Variants in GABRR1 observed in about 807,000 individuals in gnomAD.
GABRR1 encodes gamma-aminobutyric acid receptor subunit rho-1.
In GABRR1, 59 loss-of-function variants were observed where a neutral mutation model predicts 55.5. That is an observed-to-expected ratio of 1.06 (90% CI 0.86 to 1.32). GABRR1 has a LOEUF of 1.32. GABRR1 is among the 40% of genes most tolerant of loss of function. The pLI, the probability that GABRR1 is intolerant of heterozygous loss-of-function variation, is 0.00. For synonymous variants in GABRR1, 213 were observed against 226.0 expected, an observed-to-expected ratio of 0.94 and a Z score of 0.51; for missense variants, 602 against 619.1, an observed-to-expected ratio of 0.97 and a Z score of 0.29.
intron 1 of GABRR1, among the ~76,000 whole-genome samples, chr6:89,210,021 C>A (rs191802907): frequency 5.3e-5 from 8 of 151,880 alleles, no homozygotes; most frequent in African/African-American, 1.9e-4. Context: ...TTTCTGATGG[C>A]GAGAGGAAAG....
intron 7 of GABRR1, among the ~76,000 whole-genome samples, chr6:89,183,146 G>GAAAAAAAAAAGAAAAAAAAAAAAAAAA (rs1771781105): frequency 7.8e-6 from 1 of 128,568 alleles, no homozygotes; most frequent in Non-Finnish European, 1.6e-5. Context: ...GAGGATGATG[G>GAAAAAAAAAAGAAAAAAAAAAAAAAAA]AAAAAAAAAA....
rs57085890 is a variant in GABRR1 at position 89,196,881 on chromosome 6, G to GAAAGAAAGAAAGAA, written c.572+1138_572+1139insTTCTTTCTTTCTTT. On this transcript the variant is annotated intron_variant, in intron 5 of 9. Coordinates refer to ENST00000454853, the MANE Select transcript of GABRR1 (RefSeq NM_002042.5). ...AAAGAAAGAAAGAAAGAAAGAAAGA[G>GAAAGAAAGAAAGAA]AAGAGAAGAAAAAAGAAAAGAAAAT... is the stretch of plus-strand genomic sequence containing the variant. Among the ~76,000 whole-genome samples the GAAAGAAAGAAAGAA allele has an allele frequency of 5.3e-3, 501 of 95,262 alleles. 10 individuals carry two copies. Among genetic ancestry groups the GAAAGAAAGAAAGAA allele is most frequent in the South Asian group, 5.4e-3 (15 of 2,784 alleles). 62.5% of individuals were successfully genotyped at this position (95,262 alleles called of 152,430 possible). A position where few individuals can be genotyped will look rare whatever the true frequency, so the allele number is the denominator to read the frequency against.
At chr6:89,229,047 G>A (rs976022226) in intron 1 of GABRR1, among the ~76,000 whole-genome samples, 4 of 151,790 alleles carry the variant, frequency 2.6e-5, no homozygotes, top group Admixed American at 2.0e-4. Flanking sequence ...GATCTTTGTT[G>A]GTTTAAAATC....
At chr6:89,197,925 G>T in intron 5 of GABRR1, 95 bp downstream of exon 5, 1 of 996,084 alleles carries the variant, frequency 1.0e-6, no homozygotes, top group Non-Finnish European at 1.6e-6. Context: ...CTACTGAAAA[G>T]TTAGAAAGTA....
intron 6 of GABRR1, 69 bp from the exon 7 acceptor site, chr6:89,185,519 G>A: frequency 2.8e-6 from 4 of 1,414,946 alleles, no homozygotes; most frequent in Non-Finnish European, 4.0e-6. Context: ...GGGCTATGTA[G>A]AAGCTGTGTC....
chr6:89,185,313 T>C lies in GABRR1; in HGVS notation c.793A>G (p.Thr265Ala). 2 of 1,613,992 alleles carry C rather than the reference T, an allele frequency of 1.2e-6. No individual in the cohort carries two copies. Among genetic ancestry groups the C allele is most frequent in the Non-Finnish European group, 1.7e-6 (2 of 1,179,872 alleles). Residue 265 changes from threonine (T) to alanine (A), a missense_variant, in exon 7 of 10, where the codon ACA becomes GCA. Thr to Ala is a moderately conservative substitution (Grantham distance 58). This residue lies in a region of GABRR1 where 435 missense variants were observed against 424.2 expected (regional missense o/e 1.03). Transcript: ENST00000454853. ...TTTKLAFYSS[T>A]GWYNRLYINF... ...TCAGCCCTCACTCTACACTTACCTGTGCTGCTGTAGAAAGCCAGTTTGGTG... is the reference window on the plus strand; with the variant it reads ...TCAGCCCTCACTCTACACTTACCTGCGCTGCTGTAGAAAGCCAGTTTGGTG...
Position 89,185,347 on chromosome 6 carries a change from G to A in GABRR1, c.759C>T (p.Phe253=). 3.1e-6 allele frequency: 5 copies of A among 1,613,948 alleles called. No homozygotes were observed. The highest frequency in any genetic ancestry group is 4.2e-6 in the Non-Finnish European group (5 of 1,179,866). The change falls in exon 7 of 10, where the codon TTC becomes TTT. Residue 253 remains phenylalanine, a synonymous_variant. Transcript: ENST00000454853. ...AGAAAGCCAGTTTGGTGGTGGTGTGGAATTCCTGAATGAGGAACTGGGAGA... is the reference window on the plus strand; with the variant it reads ...AGAAAGCCAGTTTGGTGGTGGTGTGAAATTCCTGAATGAGGAACTGGGAGA... The part of the protein sequence containing the change: ...ISLSQFLIQE[F]HTTTKLAFYS...
chr6:89,185,334 T>G lies in GABRR1; in HGVS notation c.772A>C (p.Lys258Gln). The change falls in exon 7 of 10, where the codon AAA (lysine) becomes CAA (glutamine). Residue 258 changes from lysine (K) to glutamine (Q), a missense_variant. Physicochemically the swap from Lys to Gln is moderately conservative, Grantham distance 53. Around this residue, in one of 3 missense-constraint regions of GABRR1, gnomAD observed 435 missense variants for 424.2 expected, o/e 1.03. Coordinates refer to ENST00000454853, the MANE Select transcript of GABRR1 (RefSeq NM_002042.5). ...CCTGTGCTGCTGTAGAAAGCCAGTT[T>G]GGTGGTGGTGTGGAATTCCTGAATG... ...FLIQEFHTTT[K>Q]LAFYSSTGWY... 1.2e-6 allele frequency: 2 copies of G among 1,613,920 alleles called. No homozygotes were observed. The highest frequency in any genetic ancestry group is 1.7e-6 in the Non-Finnish European group (2 of 1,179,830).
At chr6:89,194,335 C>A (rs142235942) in intron 5 of GABRR1, among the ~76,000 whole-genome samples, 6 of 152,122 alleles carry the variant, frequency 3.9e-5, no homozygotes, top group African/African-American at 1.4e-4. Flanking sequence ...GTTACTGGAG[C>A]GAGGCGAACC....
intron 8 of GABRR1, among the ~76,000 whole-genome samples, chr6:89,181,206 G>T (rs1409920275): frequency 3.9e-5 from 6 of 152,132 alleles, no homozygotes; most frequent in Admixed American, 3.3e-4. Flanking sequence ...ACATTTGTTT[G>T]GCAAACATCA....
chr6:89,180,735 T>C (rs1168666225), intron 8 of GABRR1, among the ~76,000 whole-genome samples: 1 of 152,240 alleles, frequency 6.6e-6, no homozygotes, highest in Admixed American at 6.5e-5. Context: ...TCGTAGCATC[T>C]GTGTCACTAT....
intron 1 of GABRR1, among the ~76,000 whole-genome samples, chr6:89,208,972 T>C (rs1010614234): frequency 1.3e-5 from 2 of 152,244 alleles, no homozygotes; most frequent in African/African-American, 4.8e-5. Flanking sequence ...GGGTATTTGA[T>C]CAAGCTGTCT....
chr6:89,224,567 A>G (rs1322783549), intron 1 of GABRR1, among the ~76,000 whole-genome samples: 1 of 152,154 alleles, frequency 6.6e-6, no homozygotes, highest in African/African-American at 2.4e-5. Flanking sequence ...GATTCTGGAT[A>G]TTAGTCCTTT....
At chr6:89,199,152 G>A (rs1772388059) in intron 4 of GABRR1, among the ~76,000 whole-genome samples, 1 of 152,208 alleles carries the variant, frequency 6.6e-6, no homozygotes, top group African/African-American at 2.4e-5. Context: ...GGCCACTGGA[G>A]TGAGAAAGGT....
rs1463464498 is a variant in GABRR1, at chr6:89,230,988, T to G, written c.-411+228A>C. ...TGGTGCGCCGTTTTTTAAGCCGGTC[T>G]GAAAAGCGCAATATTCGGGTGGGAG... On this transcript the variant is annotated intron_variant, in intron 1 of 11. Coordinates refer to the GABRR1 transcript ENST00000369451. Among the ~76,000 whole-genome samples the G allele has an allele frequency of 8.4e-4, 127 of 152,010 alleles. 1 individual carries two copies. Among genetic ancestry groups the G allele is most frequent in the Non-Finnish European group, 1.5e-3 (102 of 67,960 alleles).
At chr6:89,207,969 T>C (rs1359890551) in intron 1 of GABRR1, among the ~76,000 whole-genome samples, 1 of 152,238 alleles carries the variant, frequency 6.6e-6, no homozygotes, top group Non-Finnish European at 1.5e-5. Context: ...TCCAGGTCTG[T>C]TTCCTCAGCT....
intron 1 of GABRR1, among the ~76,000 whole-genome samples, chr6:89,210,251 C>T (rs543378235): frequency 2.3e-5 from 3 of 130,890 alleles, no homozygotes; most frequent in Admixed American, 9.0e-5. Context: ...TGGAATGCAG[C>T]GTTGCAATCT....
At chr6:89,184,247 CA>C (rs1164564083) in intron 7 of GABRR1, among the ~76,000 whole-genome samples, 2,070 of 57,130 alleles carry the variant, frequency 0.036, 16 homozygotes, top group African/African-American at 0.086. Context: ...GACTCCGTCT[CA>C]AAAAAAAAAA....
At chr6:89,206,785 T>TAAA (rs3047113) in intron 1 of GABRR1, among the ~76,000 whole-genome samples, 3 of 149,584 alleles carry the variant, frequency 2.0e-5, no homozygotes, top group African/African-American at 7.4e-5. Context: ...CCAGCTAATT[T>TAAA]AAAAAAAAAA....
Sources: allele counts gnomAD v4.1 joint callset (sites outside exome capture counted in the v4.1 genomes callset), GRCh38; gene constraint gnomAD v4.1.1; regional missense constraint gnomAD v4.1.1; transcripts MANE v1.5; gene names NCBI Gene and HGNC (gene_info 2026-07-23, HGNC 2026-07-21).